Variants in BICC1 observed in about 807,000 individuals in gnomAD.
The protein encoded by BICC1 is protein bicaudal C homolog 1.
In BICC1, 43 loss-of-function variants were observed where a neutral mutation model predicts 111.0. The observed-to-expected ratio is 0.39, with a 90% CI of 0.30 to 0.50. BICC1 has a LOEUF of 0.50. Among genes scored for constraint, BICC1 ranks in the 20% least tolerant of loss-of-function variants. The pLI, the probability that BICC1 is intolerant of heterozygous loss-of-function variation, is 0.88. For missense variants in BICC1, 1,091 were observed against 1,203.2 expected, an observed-to-expected ratio of 0.91 and a Z score of 1.38; for synonymous variants, 467 against 434.4, an observed-to-expected ratio of 1.07 and a Z score of -0.93.
At position 58,656,039 on chromosome 10, in the gene BICC1, A is replaced by G. The variant is rs564674842; in HGVS notation, c.237+35138A>G. Among the ~76,000 whole-genome samples, 210 of 152,348 alleles carry G rather than the reference A, an allele frequency of 1.4e-3. 1 individual carries two copies. Among genetic ancestry groups the G allele is most frequent in the Middle Eastern group, 3.4e-3 (1 of 294 alleles). ...ATATCACCACCGATCCCACAGAAAT[A>G]CAGACTACCCATCAGAGAATACTAC... On this transcript the variant is annotated intron_variant, in intron 2 of 20. Transcript: ENST00000373886.
chr10:58,676,384 C>T (rs776357436), intron 2 of BICC1, among the ~76,000 whole-genome samples: 4 of 152,170 alleles, frequency 2.6e-5, no homozygotes, highest in Non-Finnish European at 4.4e-5. Context: ...GCTTGAAATT[C>T]TTGCTGGCAG....
chr10:58,544,015 T>C (rs1295617770), intron 1 of BICC1, among the ~76,000 whole-genome samples: 4 of 152,026 alleles, frequency 2.6e-5, no homozygotes, highest in African/African-American at 7.2e-5. Context: ...TGGTTACCTT[T>C]GTTACAGTTT....
intron 1 of BICC1, among the ~76,000 whole-genome samples, chr10:58,532,537 C>G (rs374671483): frequency 3.2e-4 from 48 of 151,898 alleles, no homozygotes; most frequent in African/African-American, 1.0e-3. Context: ...TCAGCTGCTT[C>G]CAAATGGATA....
At chr10:58,621,939 T>C (rs138034735) in intron 2 of BICC1, among the ~76,000 whole-genome samples, 26,633 of 64,960 alleles carry the variant, frequency 0.41, 8,093 homozygotes, top group African/African-American at 0.48. Flanking sequence ...TAGAATAGAA[T>C]AGAATAGAAT....
intron 3 of BICC1, among the ~76,000 whole-genome samples, chr10:58,731,702 CA>C: frequency 9.1e-6 from 1 of 110,458 alleles, no homozygotes; most frequent in Admixed American, 1.1e-4. Flanking sequence ...AGGAGCAGGA[CA>C]AGGGGAGAGA....
At chr10:58,584,089 C>T (rs1214416294) in intron 1 of BICC1, among the ~76,000 whole-genome samples, 2 of 151,578 alleles carry the variant, frequency 1.3e-5, no homozygotes, top group Admixed American at 6.6e-5. Context: ...CACACACACA[C>T]ACACACACAC....
At chr10:58,726,275 A>T (rs1169282113) in intron 3 of BICC1, among the ~76,000 whole-genome samples, 4 of 152,236 alleles carry the variant, frequency 2.6e-5, no homozygotes, top group African/African-American at 9.6e-5. Context: ...AATAGTGAAA[A>T]TTACATAATT....
chr10:58,750,671 A>T (rs998165813), intron 3 of BICC1, among the ~76,000 whole-genome samples: 4 of 152,172 alleles, frequency 2.6e-5, no homozygotes, highest in African/African-American at 4.8e-5. Context: ...AAAAGTCTAC[A>T]TGTTGGATAT....
At chr10:58,614,950 TA>T (rs1346837436) in intron 1 of BICC1, among the ~76,000 whole-genome samples, 1 of 152,164 alleles carries the variant, frequency 6.6e-6, no homozygotes, top group Non-Finnish European at 1.5e-5. Context: ...TGTGACTAGA[TA>T]TTTTTTTGAA....
intron 1 of BICC1, among the ~76,000 whole-genome samples, chr10:58,567,915 A>G (rs986065014): frequency 1.3e-5 from 2 of 152,062 alleles, no homozygotes; most frequent in Admixed American, 1.3e-4. Context: ...CAATGTTGGA[A>G]AGGGCATGGT....
intron 1 of BICC1, among the ~76,000 whole-genome samples, chr10:58,546,180 T>A (rs946952438): frequency 6.6e-6 from 1 of 152,144 alleles, no homozygotes; most frequent in African/African-American, 2.4e-5. Context: ...GTCTCCAATG[T>A]TGTTGTTTTT....
At chr10:58,768,748 A>C (rs1339994623) in intron 3 of BICC1, among the ~76,000 whole-genome samples, 4 of 152,146 alleles carry the variant, frequency 2.6e-5, no homozygotes, top group Non-Finnish European at 4.4e-5. Flanking sequence ...ACTCATAACT[A>C]TAAGATGTTT....
intron 2 of BICC1, among the ~76,000 whole-genome samples, chr10:58,662,128 C>T (rs186999920): frequency 6.6e-6 from 1 of 152,188 alleles, no homozygotes; most frequent in East Asian, 1.9e-4. Context: ...GTAGCACCTG[C>T]CTCTGGTGTA....
chr10:58,803,635 T>C (rs1843622435), intron 15 of BICC1, among the ~76,000 whole-genome samples: 1 of 152,200 alleles, frequency 6.6e-6, no homozygotes, highest in Non-Finnish European at 1.5e-5. Context: ...ATGAATGTGT[T>C]TGGTGCCATT....
intron 2 of BICC1, among the ~76,000 whole-genome samples, chr10:58,664,054 T>C (rs947157078): frequency 6.6e-6 from 1 of 152,190 alleles, no homozygotes; most frequent in African/African-American, 2.4e-5. Flanking sequence ...TGTAAACATA[T>C]ATTTTCACTT....
At chr10:58,794,420 G>GTT (rs539285951) in intron 9 of BICC1, among the ~76,000 whole-genome samples, 4 of 142,380 alleles carry the variant, frequency 2.8e-5, no homozygotes, top group Non-Finnish European at 3.1e-5. Context: ...TGGAATAAAT[G>GTT]TTTTTTTTTT....
At chr10:58,608,337 G>T (rs973330397) in intron 1 of BICC1, among the ~76,000 whole-genome samples, 5 of 152,104 alleles carry the variant, frequency 3.3e-5, no homozygotes, top group Non-Finnish European at 7.4e-5. Context: ...CATCACTGGA[G>T]AGCTCCCCTT....
At chr10:58,625,357 GTA>G (rs1845956575) in intron 2 of BICC1, among the ~76,000 whole-genome samples, 1 of 152,164 alleles carries the variant, frequency 6.6e-6, no homozygotes, top group African/African-American at 2.4e-5. Flanking sequence ...GTCAGTGATT[GTA>G]TTACACATGT....
chr10:58,707,625 G>A (rs988710210), intron 3 of BICC1, among the ~76,000 whole-genome samples: 2 of 152,118 alleles, frequency 1.3e-5, no homozygotes, highest in African/African-American at 4.8e-5. Flanking sequence ...CGCCTCCCGG[G>A]TTCAAGCGAT....
Sources: gnomAD v4.1 joint callset for allele counts (sites outside exome capture counted in the v4.1 genomes callset) on GRCh38, gnomAD v4.1.1 for gene constraint, MANE v1.5 for transcripts, NCBI Gene and HGNC (gene_info 2026-07-23, HGNC 2026-07-21) for gene names.